The following IGFL2 variants were observed in gnomAD, a reference collection of about 807,000 sequenced individuals.
The protein encoded by IGFL2 is insulin growth factor-like family member 2.
IGFL2 carries 7 observed loss-of-function variants against 13.9 expected under a neutral mutation model. That is an observed-to-expected ratio of 0.51 (90% CI 0.29 to 0.95). The LOEUF (loss-of-function observed/expected upper bound fraction) is 0.95. Among genes scored for constraint, IGFL2 ranks in the 40% least tolerant of loss-of-function variants. IGFL2 has a pLI of 0.08. For synonymous variants in IGFL2, 55 were observed against 55.8 expected, an observed-to-expected ratio of 0.99 and a Z score of 0.07; for missense variants, 138 against 147.8, an observed-to-expected ratio of 0.93 and a Z score of 0.34.
chr19:46,165,855 G>C (rs1304985056), downstream of IGFL2, among the ~76,000 whole-genome samples: 5 of 152,238 alleles, frequency 3.3e-5, no homozygotes, highest in Non-Finnish European at 1.5e-5. Flanking sequence ...TGCATCAATA[G>C]CTGGTCCATC....
chr19:46,161,322 T>TC (rs900404012), downstream of IGFL2: 30 of 358,240 alleles, frequency 8.4e-5, no homozygotes, highest in Middle Eastern at 5.9e-4. Context: ...TCCTTTCTTT[T>TC]TTTTTTTTTT....
chr19:46,099,621 C>T, the IGFL2 span, among the ~76,000 whole-genome samples: 8 of 151,986 alleles, frequency 5.3e-5, no homozygotes, highest in South Asian at 4.2e-4. Context: ...CTCTGCCCCC[C>T]GAGTTCAAGT....
chr19:46,145,450 C>T (rs559650638), upstream of IGFL2, among the ~76,000 whole-genome samples: 17 of 152,186 alleles, frequency 1.1e-4, 1 homozygote, highest in South Asian at 2.9e-3. Flanking sequence ...GGTTTCCACA[C>T]GTGACTTACC....
chr19:46,131,328 A>C, the IGFL2 span, among the ~76,000 whole-genome samples: 2,268 of 152,342 alleles, frequency 0.015, 38 homozygotes, highest in South Asian at 0.027. Context: ...ATAATAGACA[A>C]AAACTTCTCT....
the IGFL2 span, among the ~76,000 whole-genome samples, chr19:46,104,626 T>A: frequency 6.6e-5 from 10 of 152,196 alleles, no homozygotes; most frequent in East Asian, 1.9e-3. Flanking sequence ...ACTCAGGGCA[T>A]GTAAGTAAAT....
chr19:46,172,904 C>T, the IGFL2 span, among the ~76,000 whole-genome samples: 1 of 152,234 alleles, frequency 6.6e-6, no homozygotes, highest in Admixed American at 6.5e-5. Context: ...TCTGTATTAA[C>T]TGAGTCCTCT....
At chr19:46,200,677 A>C in the IGFL2 span, 1 of 150,688 alleles carries the variant, frequency 6.6e-6, no homozygotes, top group Non-Finnish European at 1.5e-5. Flanking sequence ...CACCATGCCC[A>C]GCTTTTAAAA....
At chr19:46,082,088 T>C in the IGFL2 span, among the ~76,000 whole-genome samples, 3 of 152,250 alleles carry the variant, frequency 2.0e-5, no homozygotes, top group African/African-American at 7.2e-5. Context: ...CACTCTTTAA[T>C]GAGGAAATTC....
chr19:46,146,455 A>G (rs1356579535), upstream of IGFL2, among the ~76,000 whole-genome samples: 12 of 152,106 alleles, frequency 7.9e-5, no homozygotes, highest in Non-Finnish European at 1.3e-4. Context: ...TTGCTTTTCT[A>G]TATAAATTCT....
intron 1 of IGFL2, among the ~76,000 whole-genome samples, chr19:46,154,290 A>G (rs1302607086): frequency 6.6e-6 from 1 of 151,908 alleles, no homozygotes; most frequent in Non-Finnish European, 1.5e-5. Flanking sequence ...TTTCTTTTTA[A>G]TAGGCCTGTG....
chr19:46,167,212 T>G, the IGFL2 span, among the ~76,000 whole-genome samples: 43 of 152,318 alleles, frequency 2.8e-4, no homozygotes, highest in African/African-American at 9.1e-4. Context: ...GTTCCCTCCG[T>G]TTGGGGTCCC....
chr19:46,141,401 G>A (rs919355514), upstream of IGFL2, among the ~76,000 whole-genome samples: 1 of 152,168 alleles, frequency 6.6e-6, no homozygotes. Flanking sequence ...GGATCACAGA[G>A]TGGGGCCTGG....
chr19:46,154,284 T>G (rs1439845628), intron 1 of IGFL2, among the ~76,000 whole-genome samples: 2 of 152,240 alleles, frequency 1.3e-5, no homozygotes, highest in Non-Finnish European at 2.9e-5. Flanking sequence ...TGCTCTTTTC[T>G]TTTTAATAGG....
chr19:46,141,066 G>A (rs1022693675), upstream of IGFL2, among the ~76,000 whole-genome samples: 7 of 152,218 alleles, frequency 4.6e-5, no homozygotes, highest in East Asian at 1.9e-4. Context: ...CAGAGCCTAA[G>A]TGACCTGGAG....
At chr19:46,120,985 A>G in the IGFL2 span, among the ~76,000 whole-genome samples, 5 of 150,906 alleles carry the variant, frequency 3.3e-5, no homozygotes, top group Admixed American at 6.6e-5. Flanking sequence ...CCTTAGGTTT[A>G]TTTTTAATTC....
chr19:46,185,155 T>A, the IGFL2 span, among the ~76,000 whole-genome samples: 1 of 152,240 alleles, frequency 6.6e-6, no homozygotes, highest in Non-Finnish European at 1.5e-5. Flanking sequence ...ATTAGCTCTT[T>A]GTCAGATGGA....
chr19:46,197,920 G>A, the IGFL2 span, among the ~76,000 whole-genome samples: 2 of 151,444 alleles, frequency 1.3e-5, no homozygotes, highest in South Asian at 4.2e-4. Context: ...TTGAACTCCT[G>A]AGCTTAAGTG....
the IGFL2 span, chr19:46,196,906 GC>G: frequency 6.4e-6 from 1 of 155,362 alleles, no homozygotes; most frequent in Admixed American, 6.5e-5. Flanking sequence ...ATCATGTGGA[GC>G]CCCCAGGTGA....
the IGFL2 span, among the ~76,000 whole-genome samples, chr19:46,183,429 C>T: frequency 2.0e-5 from 3 of 152,044 alleles, no homozygotes; most frequent in African/African-American, 7.2e-5. Context: ...CTCCCAGCCA[C>T]TCTTTCTTCT....
Sources: gnomAD v4.1 joint callset for allele counts (sites outside exome capture counted in the v4.1 genomes callset) on GRCh38, gnomAD v4.1.1 for gene constraint, MANE v1.5 for transcripts, NCBI Gene and HGNC (gene_info 2026-07-23, HGNC 2026-07-21) for gene names.